SDK1: variants seen among roughly 807,000 people sequenced by gnomAD.
The protein encoded by SDK1 is sidekick cell adhesion molecule 1.
Under a neutral mutation model 245.5 loss-of-function variants are expected in SDK1, and 157 were observed. The observed-to-expected ratio is 0.64, with a 90% CI of 0.56 to 0.73. The LOEUF (loss-of-function observed/expected upper bound fraction) is 0.73, where lower values mean the gene tolerates loss of function less well. Ranked by LOEUF, SDK1 falls within the 30% of genes least tolerant of loss-of-function variation. The pLI, the probability that SDK1 is intolerant of heterozygous loss-of-function variation, is 0.00. For synonymous variants in SDK1, 1,647 were observed against 1,278.5 expected (o/e 1.29, Z -6.15); for missense variants, 3,583 against 3,002.3 (o/e 1.19, Z -4.52).
chr7:3,346,409 C>T (rs544813937), intron 1 of SDK1, among the ~76,000 whole-genome samples: 3 of 152,296 alleles, frequency 2.0e-5, no homozygotes, highest in Admixed American at 1.3e-4. Flanking sequence ...CCTGCCAGCA[C>T]TACAACGTAC....
chr7:3,823,920 T>A (rs563504802), intron 5 of SDK1, among the ~76,000 whole-genome samples: 1 of 152,054 alleles, frequency 6.6e-6, no homozygotes, highest in East Asian at 1.9e-4. Context: ...AAATGTTAAA[T>A]GGCAACCAAT....
intron 4 of SDK1, among the ~76,000 whole-genome samples, chr7:3,715,260 G>A (rs1343063448): frequency 6.6e-6 from 1 of 151,806 alleles, no homozygotes; most frequent in Non-Finnish European, 1.5e-5. Flanking sequence ...TTGCAGATGA[G>A]CTGCAGACTA....
At chr7:3,615,649 G>C (rs2039653722) in intron 1 of SDK1, among the ~76,000 whole-genome samples, 1 of 151,638 alleles carries the variant, frequency 6.6e-6, no homozygotes, top group African/African-American at 2.4e-5. Context: ...AGTTGTACAA[G>C]TCAGAGACAT....
chr7:3,367,096 A>G (rs1034722888), intron 1 of SDK1, among the ~76,000 whole-genome samples: 1 of 152,130 alleles, frequency 6.6e-6, no homozygotes, highest in African/African-American at 2.4e-5. Context: ...ATAAGTTGTG[A>G]AAGTTACTTC....
At chr7:3,986,082 T>C (rs1444013840) in intron 13 of SDK1, among the ~76,000 whole-genome samples, 2 of 152,036 alleles carry the variant, frequency 1.3e-5, no homozygotes, top group Non-Finnish European at 2.9e-5. Context: ...TCAGGAGACG[T>C]GAAGGTTCAG....
chr7:4,183,453 G>C (rs1428975589), intron 35 of SDK1, among the ~76,000 whole-genome samples: 1 of 151,914 alleles, frequency 6.6e-6, no homozygotes, highest in African/African-American at 2.4e-5. Flanking sequence ...GGCCAACATG[G>C]TGAAACCCCA....
chr7:4,083,438 T>C (rs1391405450), intron 22 of SDK1, among the ~76,000 whole-genome samples: 2 of 151,980 alleles, frequency 1.3e-5, no homozygotes, highest in Non-Finnish European at 2.9e-5. Flanking sequence ...GTTACATCCT[T>C]GTGGGGTCAC....
At chr7:3,474,917 C>A (rs763096026) in intron 1 of SDK1, among the ~76,000 whole-genome samples, 1 of 152,088 alleles carries the variant, frequency 6.6e-6, no homozygotes, top group African/African-American at 2.4e-5. Context: ...GTATTGAACT[C>A]CTGGGCTCAA....
intron 19 of SDK1, among the ~76,000 whole-genome samples, chr7:4,052,319 C>T (rs1055523590): frequency 3.3e-5 from 5 of 151,960 alleles, no homozygotes; most frequent in Admixed American, 3.3e-4. Context: ...CCAGCTGACG[C>T]ATCTGGAAAA....
intron 13 of SDK1, among the ~76,000 whole-genome samples, chr7:3,981,774 A>G (rs1783419178): frequency 6.6e-6 from 1 of 152,208 alleles, no homozygotes; most frequent in African/African-American, 2.4e-5. Flanking sequence ...GCTGCAGAAG[A>G]AAAATTGGAA....
At chr7:3,405,188 A>C (rs1046961684) in intron 1 of SDK1, among the ~76,000 whole-genome samples, 1 of 152,018 alleles carries the variant, frequency 6.6e-6, no homozygotes, top group Non-Finnish European at 1.5e-5. Context: ...AAAAACAAAA[A>C]ACACTTTCCT....
intron 1 of SDK1, among the ~76,000 whole-genome samples, chr7:3,307,235 T>C (rs1779438668): frequency 6.6e-6 from 1 of 150,840 alleles, no homozygotes; most frequent in Non-Finnish European, 1.5e-5. Flanking sequence ...TGTACACCTC[T>C]TTTTTTTAAA....
chr7:3,431,601 G>A (rs1779849520), intron 1 of SDK1, among the ~76,000 whole-genome samples: 1 of 151,998 alleles, frequency 6.6e-6, no homozygotes, highest in African/African-American at 2.4e-5. Context: ...GTGGTGAGTG[G>A]GAGAATCAAA....
chr7:3,809,122 G>C (rs373834701), intron 4 of SDK1, among the ~76,000 whole-genome samples: 21 of 152,208 alleles, frequency 1.4e-4, no homozygotes, highest in African/African-American at 5.1e-4. Context: ...TCTGCACCTG[G>C]GGAGGCCTCA....
chr7:4,198,512 T>C (rs1310979105), intron 35 of SDK1, among the ~76,000 whole-genome samples: 3 of 152,238 alleles, frequency 2.0e-5, no homozygotes, highest in Admixed American at 1.3e-4. Flanking sequence ...CGGCCAAGCC[T>C]AGCCCATTAC....
intron 38 of SDK1, among the ~76,000 whole-genome samples, chr7:4,219,250 C>T (rs898175614): frequency 3.3e-5 from 5 of 152,224 alleles, no homozygotes; most frequent in African/African-American, 4.8e-5. Context: ...AGGCAGGCTG[C>T]AGCCTCCTCG....
chr7:3,510,687 C>T (rs998347082), intron 1 of SDK1, among the ~76,000 whole-genome samples: 4 of 152,078 alleles, frequency 2.6e-5, no homozygotes, highest in African/African-American at 9.7e-5. Context: ...TCTTATTATA[C>T]AGATGAAACC....
rs146931144 is a variant in SDK1 at position 4,086,161 on chromosome 7, C to A, written c.3324+6577C>A. Among the ~76,000 whole-genome samples the A allele has an allele frequency of 2.3e-3, 357 of 152,280 alleles. 2 individuals are homozygous for A. The highest frequency in any genetic ancestry group is 8.0e-3 in the African/African-American group (334 of 41,564). On this transcript the variant is annotated intron_variant, in intron 22 of 44. Coordinates refer to ENST00000404826, the MANE Select transcript of SDK1 (RefSeq NM_152744.4). ...TTCCGGTGACAGCACATCCTGAATA[C>A]CCCTGGGCATCATGTGTGCACTTGT...
At chr7:3,601,939 G>A (rs1390285818) in intron 1 of SDK1, among the ~76,000 whole-genome samples, 1 of 148,546 alleles carries the variant, frequency 6.7e-6, no homozygotes, top group East Asian at 2.0e-4. Flanking sequence ...TTGGTTTTTT[G>A]TCCTTGTGAT....
Sources: allele counts gnomAD v4.1 joint callset (sites outside exome capture counted in the v4.1 genomes callset), GRCh38; gene constraint gnomAD v4.1.1; transcripts MANE v1.5; gene names NCBI Gene and HGNC (gene_info 2026-07-23, HGNC 2026-07-21).